Variants in DPH6 observed in about 807,000 individuals in gnomAD.
The protein encoded by DPH6 is diphthine--ammonia ligase.
In DPH6, 33 loss-of-function variants were observed where a neutral mutation model predicts 38.2. The observed-to-expected ratio is 0.86, with a 90% CI of 0.65 to 1.15. DPH6 has a LOEUF of 1.15. Among genes scored for constraint, DPH6 ranks in the 50% most tolerant of loss-of-function variants. The probability of loss-of-function intolerance (pLI) is 0.00; values close to 1 mark genes in which losing one functional copy is unlikely to be tolerated. For synonymous variants in DPH6, 108 were observed against 103.0 expected, an observed-to-expected ratio of 1.05 and a Z score of -0.30; for missense variants, 325 against 320.0, an observed-to-expected ratio of 1.02 and a Z score of -0.12.
At chr15:35,300,281 C>T (rs1005688694) in intron 3 of DPH6, among the ~76,000 whole-genome samples, 5 of 152,256 alleles carry the variant, frequency 3.3e-5, no homozygotes, top group South Asian at 2.1e-4. Flanking sequence ...TTAAATGTAA[C>T]GGAAGCTATT....
At chr15:35,302,704 C>T (rs1180891737) in intron 3 of DPH6, among the ~76,000 whole-genome samples, 1 of 152,058 alleles carries the variant, frequency 6.6e-6, no homozygotes, top group Non-Finnish European at 1.5e-5. Context: ...AAATAGCACA[C>T]CCACAATTAA....
rs149014372 is a variant in DPH6 at position 35,331,174 on chromosome 15, T to G, written n.208-97A>C. On this transcript the variant is annotated intron_variant and non_coding_transcript_variant, in intron 3 of 3. Coordinates refer to the DPH6 transcript ENST00000558973. ...CCTAATATAGTCCCATAAAACAGAA[T>G]TCCTGGAAAAAATAACATCCTGTAG... The G allele has an allele frequency of 2.1e-4, 32 of 152,268 alleles. 1 individual carries two copies. Among genetic ancestry groups the G allele is most frequent in the African/African-American group, 6.7e-4 (28 of 41,564 alleles). The allele number at this position is 152,268 out of a possible 1,614,324, so 9.4% of individuals were successfully genotyped here. A position where few individuals can be genotyped will look rare whatever the true frequency, so the allele number is the denominator to read the frequency against.
chr15:35,298,935 C>G lies in DPH6; in HGVS notation n.200+74586G>C, dbSNP rs1003104070. On this transcript the variant is annotated intron_variant and non_coding_transcript_variant, in intron 3 of 3. Transcript: ENST00000560386. ...AGAAGTGGGTGAGGCAATGGCAGCT[C>G]CGCCCATACTTGTTTTCCTCTTCTC... 53 of 792,870 alleles carry G rather than the reference C, an allele frequency of 6.7e-5. 5 individuals carry two copies. The highest frequency in any genetic ancestry group is 3.2e-4 in the East Asian group (13 of 41,264). The allele number at this position is 792,870 out of a possible 1,614,324, so 49.1% of individuals were successfully genotyped here.
At chr15:35,185,654 C>T in the DPH6 span, among the ~76,000 whole-genome samples, 256 of 150,230 alleles carry the variant, frequency 1.7e-3, 1 homozygote, top group Middle Eastern at 3.5e-3. Flanking sequence ...AATTTTCGAG[C>T]GTAGAAGGTA....
At chr15:35,333,623 A>G (rs949533824) in intron 3 of DPH6, among the ~76,000 whole-genome samples, 1 of 152,182 alleles carries the variant, frequency 6.6e-6, no homozygotes, top group African/African-American at 2.4e-5. Context: ...GTAAGAAATT[A>G]AACTTATATT....
intron 5 of DPH6, among the ~76,000 whole-genome samples, chr15:35,439,174 T>C (rs1171163337): frequency 6.6e-6 from 1 of 152,232 alleles, no homozygotes; most frequent in Non-Finnish European, 1.5e-5. Context: ...TTGATATTAA[T>C]AGCTGAAATG....
intron 6 of DPH6, among the ~76,000 whole-genome samples, chr15:35,409,841 C>T (rs1269722866): frequency 6.6e-6 from 1 of 151,682 alleles, no homozygotes. Flanking sequence ...ATCACAATTA[C>T]ATAATCATTT....
chr15:35,271,840 G>A (rs1266927387), intron 3 of DPH6, among the ~76,000 whole-genome samples: 2 of 152,164 alleles, frequency 1.3e-5, no homozygotes, highest in African/African-American at 4.8e-5. Context: ...GAGTCCTGTT[G>A]GCTTCAGCAG....
At chr15:35,191,639 T>C in the DPH6 span, among the ~76,000 whole-genome samples, 2 of 152,158 alleles carry the variant, frequency 1.3e-5, no homozygotes, top group Non-Finnish European at 2.9e-5. Context: ...AATTGTCCAA[T>C]AAAAATGATA....
chr15:35,526,912 T>C (rs1053781546), intron 3 of DPH6, among the ~76,000 whole-genome samples: 3 of 152,154 alleles, frequency 2.0e-5, no homozygotes, highest in Non-Finnish European at 4.4e-5. Context: ...AAGCATTAAT[T>C]CTACATGTCT....
At chr15:35,545,892 C>A (rs902451738) in intron 1 of DPH6, among the ~76,000 whole-genome samples, 7 of 152,310 alleles carry the variant, frequency 4.6e-5, no homozygotes, top group East Asian at 1.9e-4. Flanking sequence ...AGTTTAAGGG[C>A]TAGAAGACCA....
chr15:35,412,103 C>T (rs2053374026), intron 5 of DPH6, among the ~76,000 whole-genome samples: 1 of 151,642 alleles, frequency 6.6e-6, no homozygotes. Context: ...GTGCAAAGAA[C>T]ATCTGATAAA....
intron 3 of DPH6, among the ~76,000 whole-genome samples, chr15:35,478,359 CCA>C (rs1312492670): frequency 3.0e-5 from 3 of 101,018 alleles, no homozygotes; most frequent in African/African-American, 6.3e-5. Flanking sequence ...ACACACATAC[CCA>C]CACATACACA....
chr15:35,326,425 TA>T (rs1244727695), downstream of DPH6, among the ~76,000 whole-genome samples: 3 of 151,258 alleles, frequency 2.0e-5, no homozygotes, highest in African/African-American at 7.4e-5. Context: ...AATAATCTTT[TA>T]AAATTTAAAA....
the DPH6 span, among the ~76,000 whole-genome samples, chr15:35,210,038 T>G: frequency 6.6e-6 from 1 of 152,200 alleles, no homozygotes; most frequent in African/African-American, 2.4e-5. Context: ...TGAAGTCTGG[T>G]GCTTCCATGT....
chr15:35,522,000 C>T, intron 3 of DPH6: 1 of 1,490,816 alleles, frequency 6.7e-7, no homozygotes, highest in South Asian at 1.4e-5. Context: ...TACCAGCAAG[C>T]AGAATGAAAA....
chr15:35,379,566 A>T (rs1360273742), intron 7 of DPH6, among the ~76,000 whole-genome samples: 1 of 152,224 alleles, frequency 6.6e-6, no homozygotes, highest in Non-Finnish European at 1.5e-5. Context: ...ATTTACATAC[A>T]GTTTTAGAAT....
At chr15:35,322,463 T>G (rs866891363) in intron 3 of DPH6, among the ~76,000 whole-genome samples, 1 of 152,224 alleles carries the variant, frequency 6.6e-6, no homozygotes, top group South Asian at 2.1e-4. Flanking sequence ...GTCAACTATG[T>G]CAGATTTCTT....
At chr15:35,536,172 TCA>T (rs1051299544) in intron 3 of DPH6, among the ~76,000 whole-genome samples, 1 of 152,032 alleles carries the variant, frequency 6.6e-6, no homozygotes, top group African/African-American at 2.4e-5. Context: ...TCATAATTAC[TCA>T]GTTATTCATT....
Sources: allele counts gnomAD v4.1 joint callset (sites outside exome capture counted in the v4.1 genomes callset), GRCh38; gene constraint gnomAD v4.1.1; transcripts MANE v1.5; gene names NCBI Gene and HGNC (gene_info 2026-07-23, HGNC 2026-07-21).